The following CNKSR3 variants were observed in gnomAD, a reference collection of about 807,000 sequenced individuals.
CNKSR3 encodes the protein connector enhancer of kinase suppressor of ras 3.
In CNKSR3, 36 loss-of-function variants were observed where a neutral mutation model predicts 67.7. The ratio of observed to expected loss-of-function variants is 0.53; its 90% CI spans 0.41 to 0.70. CNKSR3 has a LOEUF of 0.70. Among genes scored for constraint, CNKSR3 ranks in the 30% least tolerant of loss-of-function variants. The probability of loss-of-function intolerance (pLI) is 0.00; values close to 1 mark genes in which losing one functional copy is unlikely to be tolerated. For missense variants in CNKSR3, 630 were observed against 695.2 expected (o/e 0.91, Z 1.05); for synonymous variants, 281 against 271.4 (o/e 1.04, Z -0.35).
chr6:154,448,026 C>A (rs139954697), intron 2 of CNKSR3, among the ~76,000 whole-genome samples: 71 of 152,204 alleles, frequency 4.7e-4, no homozygotes, highest in African/African-American at 1.4e-3. Context: ...AGTGACCCCC[C>A]CTGTCCAATG....
At chr6:154,456,517 G>C (rs549019393) in intron 1 of CNKSR3, among the ~76,000 whole-genome samples, 2 of 148,846 alleles carry the variant, frequency 1.3e-5, no homozygotes, top group East Asian at 4.0e-4. Context: ...GGCCAACATG[G>C]TGAAACACCA....
chr6:154,429,985 C>T (rs1354231152), intron 6 of CNKSR3, among the ~76,000 whole-genome samples: 1 of 152,200 alleles, frequency 6.6e-6, no homozygotes, highest in East Asian at 1.9e-4. Context: ...AAATTAATCC[C>T]ATAAGATGCA....
chr6:154,414,988 C>T (rs1237969444), intron 9 of CNKSR3, among the ~76,000 whole-genome samples: 1 of 147,834 alleles, frequency 6.8e-6, no homozygotes, highest in African/African-American at 2.5e-5. Flanking sequence ...GTCCCAGCTA[C>T]TTGGGATGAT....
At chr6:154,502,176 G>T (rs537950563) in intron 1 of CNKSR3, among the ~76,000 whole-genome samples, 2 of 151,140 alleles carry the variant, frequency 1.3e-5, no homozygotes, top group South Asian at 4.2e-4. Context: ...TTATGCAAAG[G>T]GCTTTCCCTA....
chr6:154,408,597 A>G (rs944884039), intron 12 of CNKSR3, among the ~76,000 whole-genome samples: 4 of 152,232 alleles, frequency 2.6e-5, no homozygotes, highest in Non-Finnish European at 1.5e-5. Flanking sequence ...AAATCCACAG[A>G]GTAGATGAGT....
chr6:154,456,167 C>G (rs1197034290), intron 1 of CNKSR3, among the ~76,000 whole-genome samples: 5 of 152,124 alleles, frequency 3.3e-5, no homozygotes, highest in African/African-American at 1.2e-4. Context: ...GGCTTTGCTT[C>G]CAGCTTAGCA....
intron 1 of CNKSR3, among the ~76,000 whole-genome samples, chr6:154,481,058 TTTTA>T (rs1189620319): frequency 6.6e-6 from 1 of 152,156 alleles, no homozygotes; most frequent in Non-Finnish European, 1.5e-5. Context: ...TTGATATTTA[TTTTA>T]TTTGATAGCA....
Position 154,433,521 on chromosome 6 carries a change from T to C in CNKSR3, c.508-14A>G. The C allele has an allele frequency of 6.3e-7, 1 of 1,577,156 alleles. No individual in the cohort carries two copies. Among genetic ancestry groups the C allele is most frequent in the Non-Finnish European group, 8.7e-7 (1 of 1,153,412 alleles). The stretch of plus-strand genomic sequence containing the variant: ...TACAAAGCAATCCTAAAGAAGGGGA[T>C]GGAGAAAATGAATACTAAGTACAAG... On this transcript the variant is annotated splice_polypyrimidine_tract_variant and intron_variant, in intron 4 of 12. Coordinates refer to ENST00000607772, the MANE Select transcript of CNKSR3 (RefSeq NM_173515.4).
At chr6:154,418,077 C>T (rs191244739) in intron 9 of CNKSR3, among the ~76,000 whole-genome samples, 1 of 152,148 alleles carries the variant, frequency 6.6e-6, no homozygotes, top group East Asian at 1.9e-4. Flanking sequence ...CCGCCACTAC[C>T]ACCCCCCGCT....
chr6:154,438,356 G>A (rs1785515455), intron 4 of CNKSR3, among the ~76,000 whole-genome samples: 1 of 151,734 alleles, frequency 6.6e-6, no homozygotes, highest in African/African-American at 2.4e-5. Flanking sequence ...AGTTTGTATA[G>A]GATGATGCGT....
At chr6:154,426,058 A>G (rs576654143) in intron 7 of CNKSR3, among the ~76,000 whole-genome samples, 1 of 152,350 alleles carries the variant, frequency 6.6e-6, no homozygotes, top group African/African-American at 2.4e-5. Context: ...TGTCTAGCAC[A>G]TTCCAGGTCC....
chr6:154,406,685 C>A lies in CNKSR3; in HGVS notation c.1370-33G>T. ...CAGACAAAGTCCATTAAGTCACAAT[C>A]CCAGCCGGGCGTGGTGGCTCACACC... On this transcript the variant is annotated intron_variant, in intron 12 of 12. Transcript: ENST00000607772. The A allele has an allele frequency of 1.3e-6, 2 of 1,578,568 alleles. 1 individual carries two copies. The highest frequency in any genetic ancestry group is 2.3e-5 in the South Asian group (2 of 86,304).
chr6:154,388,064 T>C lies in CNKSR3; in HGVS notation c.*18290A>G, dbSNP rs1012939162. On this transcript the variant is annotated 3_prime_UTR_variant, in exon 13 of 13. Coordinates refer to ENST00000607772, the MANE Select transcript of CNKSR3 (RefSeq NM_173515.4). Reference sequence around the variant, plus strand: ...AGATCTATCTTAACAAATTGTTCAGTGTACACTGCAGTATTGTTGACTATA... The same window carrying C: ...AGATCTATCTTAACAAATTGTTCAGCGTACACTGCAGTATTGTTGACTATA... 5 of 152,136 alleles carry C rather than the reference T, an allele frequency of 3.3e-5. No individual in the cohort carries two copies. Among genetic ancestry groups the C allele is most frequent in the South Asian group, 2.1e-4 (1 of 4,824 alleles). The allele number at this position is 152,136 out of a possible 1,614,324, so 9.4% of individuals were successfully genotyped here. A position where few individuals can be genotyped will look rare whatever the true frequency, so the allele number is the denominator to read the frequency against.
rs1784699397 is a variant in CNKSR3 at position 154,400,023 on chromosome 6, G to A, written c.*6331C>T. ...TCCAGGCAAGAGGAGAGAAAATGAT[G>A]AGAATATCCTTATCCCTGGGTGTGA... is the stretch of plus-strand genomic sequence containing the variant. On this transcript the variant is annotated 3_prime_UTR_variant, in exon 13 of 13. Coordinates refer to ENST00000607772, the MANE Select transcript of CNKSR3 (RefSeq NM_173515.4). 1 of 152,184 alleles carries A rather than the reference G, an allele frequency of 6.6e-6. No homozygotes were observed. The highest frequency in any genetic ancestry group is 2.4e-5 in the African/African-American group (1 of 41,456). 9.4% of individuals were successfully genotyped at this position (152,184 alleles called of 1,614,324 possible).
intron 1 of CNKSR3, among the ~76,000 whole-genome samples, chr6:154,505,258 C>T (rs953434031): frequency 6.9e-6 from 1 of 144,842 alleles, no homozygotes; most frequent in South Asian, 2.2e-4. Flanking sequence ...CTTTCCATGG[C>T]CAAATAGTCA....
chr6:154,421,861 T>G (rs901946548), intron 9 of CNKSR3, among the ~76,000 whole-genome samples: 2 of 152,098 alleles, frequency 1.3e-5, no homozygotes, highest in Non-Finnish European at 2.9e-5. Flanking sequence ...GAAGGAACTT[T>G]CTGCAATAAT....
Position 154,450,317 on chromosome 6 carries a change from C to A in CNKSR3, c.53-59G>T, listed in dbSNP as rs1785801581. 1.8e-5 allele frequency: 28 copies of A among 1,518,684 alleles called. No individual in the cohort carries two copies. In the South Asian group the frequency reaches 1.9e-4, roughly 10 times the overall value. The allele number at this position is 1,518,684 out of a possible 1,614,324, so 94.1% of individuals were successfully genotyped here. The stretch of plus-strand genomic sequence containing the variant: ...ATTTTGTTCCTTTACCCACCCCCTG[C>A]AAACTGCCCACATGTCACATCAATC... On this transcript the variant is annotated intron_variant, in intron 1 of 12. Transcript: ENST00000607772.
At chr6:154,498,590 A>C (rs1330527790) in intron 1 of CNKSR3, among the ~76,000 whole-genome samples, 1 of 152,104 alleles carries the variant, frequency 6.6e-6, no homozygotes, top group Non-Finnish European at 1.5e-5. Context: ...CCTGGCCCCT[A>C]TAGGCAACCG....
intron 1 of CNKSR3, among the ~76,000 whole-genome samples, chr6:154,471,559 T>C (rs2114627801): frequency 6.6e-6 from 1 of 152,194 alleles, no homozygotes; most frequent in East Asian, 1.9e-4. Context: ...ATAACATGAA[T>C]ATAAATATGA....
Sources: gnomAD v4.1 joint callset for allele counts (sites outside exome capture counted in the v4.1 genomes callset) on GRCh38, gnomAD v4.1.1 for gene constraint, MANE v1.5 for transcripts, NCBI Gene and HGNC (gene_info 2026-07-23, HGNC 2026-07-21) for gene names.